The following NAALADL2 variants were observed in gnomAD, a reference collection of about 807,000 sequenced individuals.
NAALADL2 encodes N-acetylated alpha-linked acidic dipeptidase like 2.
In NAALADL2, 76 loss-of-function variants were observed where a neutral mutation model predicts 87.2. The ratio of observed to expected loss-of-function variants is 0.87; its 90% CI spans 0.72 to 1.05. The LOEUF is 1.05. NAALADL2 is among the 50% of genes least tolerant of loss of function. The pLI, the probability that NAALADL2 is intolerant of heterozygous loss-of-function variation, is 0.00. For synonymous variants in NAALADL2, 354 were observed against 331.0 expected (o/e 1.07, Z -0.75); for missense variants, 1,089 against 945.8 (o/e 1.15, Z -1.99).
intron 9 of NAALADL2, among the ~76,000 whole-genome samples, chr3:175,556,335 A>T (rs996360974): frequency 1.8e-4 from 28 of 152,154 alleles, no homozygotes; most frequent in African/African-American, 6.8e-4. Flanking sequence ...GCAATTTTTT[A>T]TCTATCCATA....
At chr3:175,116,577 TAA>T (rs1725212976) in intron 2 of NAALADL2, among the ~76,000 whole-genome samples, 2 of 151,814 alleles carry the variant, frequency 1.3e-5, no homozygotes, top group African/African-American at 4.8e-5. Flanking sequence ...CTCAACAAAA[TAA>T]AAGAGGACAC....
intron 5 of NAALADL2, among the ~76,000 whole-genome samples, chr3:175,361,540 C>T (rs1368532624): frequency 6.7e-6 from 1 of 148,182 alleles, no homozygotes; most frequent in African/African-American, 2.5e-5. Flanking sequence ...TGTTTCCTGA[C>T]TTATTAATGA....
chr3:174,500,466 C>G (rs1425180399), intron 1 of NAALADL2, among the ~76,000 whole-genome samples: 3 of 152,158 alleles, frequency 2.0e-5, no homozygotes, highest in Non-Finnish European at 2.9e-5. Flanking sequence ...ACACAATTCT[C>G]TGGCTAGAAC....
intron 9 of NAALADL2, among the ~76,000 whole-genome samples, chr3:175,557,960 T>C (rs985389170): frequency 7.9e-5 from 12 of 152,168 alleles, no homozygotes; most frequent in South Asian, 2.1e-4. Context: ...TTTGGGAGGC[T>C]GAGGCGGACA....
At position 175,132,635 on chromosome 3, in the gene NAALADL2, C is replaced by T. The variant is rs368052764; in HGVS notation, c.545+35344C>T. Among the ~76,000 whole-genome samples the T allele has an allele frequency of 4.3e-4, 37 of 85,716 alleles. 1 individual carries two copies. The highest frequency in any genetic ancestry group is 3.6e-3 in the South Asian group (8 of 2,204). 56.2% of individuals were successfully genotyped at this position (85,716 alleles called of 152,430 possible). On this transcript the variant is annotated intron_variant, in intron 2 of 13. Coordinates refer to ENST00000454872, the MANE Select transcript of NAALADL2 (RefSeq NM_207015.3). ...CTGACCCCCCCACCTCCCTCCCGGA[C>T]GGGGTGGCTGGCCGGGCGGGGGGCT... is the stretch of plus-strand genomic sequence containing the variant.
intron 1 of NAALADL2, among the ~76,000 whole-genome samples, chr3:174,862,665 A>T (rs1269076767): frequency 6.6e-6 from 1 of 152,058 alleles, no homozygotes; most frequent in Non-Finnish European, 1.5e-5. Flanking sequence ...CTCTTTGTAA[A>T]TAATATGATA....
At chr3:175,359,644 G>C (rs946564200) in intron 5 of NAALADL2, among the ~76,000 whole-genome samples, 9 of 151,892 alleles carry the variant, frequency 5.9e-5, no homozygotes, top group Admixed American at 4.6e-4. Context: ...TTTTATTTAT[G>C]AGTAGTAACA....
At chr3:174,581,472 TAA>T (rs957807457) in intron 2 of NAALADL2, among the ~76,000 whole-genome samples, 1 of 151,794 alleles carries the variant, frequency 6.6e-6, no homozygotes, top group African/African-American at 2.4e-5. Flanking sequence ...TGCCATTTTC[TAA>T]AAAAAAGTGC....
chr3:174,588,688 AGCAAATATTGCAGAATG>A (rs1717007824), intron 2 of NAALADL2, among the ~76,000 whole-genome samples: 1 of 152,208 alleles, frequency 6.6e-6, no homozygotes. Flanking sequence ...GCTGCAGAAC[AGCAAATATTGCAGAATG>A]GCAAATGTTG....
intron 2 of NAALADL2, among the ~76,000 whole-genome samples, chr3:174,571,795 G>T (rs1476426574): frequency 6.6e-6 from 1 of 152,110 alleles, no homozygotes; most frequent in East Asian, 1.9e-4. Flanking sequence ...TAAGGAGCTG[G>T]GTGGGTAGGG....
At chr3:174,744,928 T>G (rs985553975) in intron 3 of NAALADL2, among the ~76,000 whole-genome samples, 3 of 152,106 alleles carry the variant, frequency 2.0e-5, no homozygotes, top group Admixed American at 1.3e-4. Flanking sequence ...TACCAGAATC[T>G]CTGGGACACA....
chr3:175,089,770 A>T (rs571356085), intron 1 of NAALADL2, among the ~76,000 whole-genome samples: 1 of 152,314 alleles, frequency 6.6e-6, no homozygotes, highest in East Asian at 1.9e-4. Context: ...AAATAAGATT[A>T]AAAACAAACC....
chr3:175,071,967 C>T (rs985688257), intron 1 of NAALADL2, among the ~76,000 whole-genome samples: 1 of 151,944 alleles, frequency 6.6e-6, no homozygotes, highest in Non-Finnish European at 1.5e-5. Flanking sequence ...TATATTCTGT[C>T]TTTTCTAGGA....
intron 2 of NAALADL2, among the ~76,000 whole-genome samples, chr3:174,574,749 C>T (rs1159953249): frequency 6.6e-6 from 1 of 152,076 alleles, no homozygotes; most frequent in African/African-American, 2.4e-5. Flanking sequence ...CATTTGGTCT[C>T]TTCTAGAATT....
Position 175,160,739 on chromosome 3 carries a change from A to G in NAALADL2, c.545+63448A>G, listed in dbSNP as rs575275685. 1.9e-4 allele frequency among the ~76,000 whole-genome samples: 29 copies of G among 152,298 alleles called. No individual in the cohort carries two copies. The South Asian group carries it at 5.6e-3, about 29-fold the overall frequency. On this transcript the variant is annotated intron_variant, in intron 2 of 13. Coordinates refer to ENST00000454872, the MANE Select transcript of NAALADL2 (RefSeq NM_207015.3). Reference sequence around the variant, plus strand: ...TCCAAAATATTTGTAACAAAGATAAATAATTATAATCTGGAATAGTCTCTA... The same window carrying G: ...TCCAAAATATTTGTAACAAAGATAAGTAATTATAATCTGGAATAGTCTCTA...
At chr3:175,302,868 GTA>G (rs1560319712) in intron 4 of NAALADL2, among the ~76,000 whole-genome samples, 3 of 149,148 alleles carry the variant, frequency 2.0e-5, no homozygotes, top group African/African-American at 5.0e-5. Flanking sequence ...GTGTGTGTGT[GTA>G]TATTTTTTCA....
chr3:174,612,074 T>C (rs1719960735), intron 2 of NAALADL2, among the ~76,000 whole-genome samples: 1 of 152,186 alleles, frequency 6.6e-6, no homozygotes, highest in Non-Finnish European at 1.5e-5. Context: ...CTATTCCACA[T>C]TAAGAGTTTT....
chr3:175,714,638 C>G (rs2150011213), intron 11 of NAALADL2, among the ~76,000 whole-genome samples: 1 of 152,254 alleles, frequency 6.6e-6, no homozygotes, highest in South Asian at 2.1e-4. Flanking sequence ...AGCCCTTTGT[C>G]AGATGAGTAG....
rs899499717 is a variant in NAALADL2 at position 175,267,021 on chromosome 3, A to G, written c.939+10491A>G. 6.8e-5 allele frequency among the ~76,000 whole-genome samples: 9 copies of G among 132,508 alleles called. No individual in the cohort carries two copies. The East Asian group carries it at 1.9e-3, about 28-fold the overall frequency. 86.9% of individuals were successfully genotyped at this position (132,508 alleles called of 152,430 possible). A position where few individuals can be genotyped will look rare whatever the true frequency, so the allele number is the denominator to read the frequency against. ...AAAAGTTCAAAGCTTTCTTAGCTTT[A>G]GAGTAAAACTAGTAAAAAAAAAAAA... is the stretch of plus-strand genomic sequence containing the variant. On this transcript the variant is annotated intron_variant, in intron 4 of 13. Transcript: ENST00000454872.
Sources: allele counts gnomAD v4.1 joint callset (sites outside exome capture counted in the v4.1 genomes callset), GRCh38; gene constraint gnomAD v4.1.1; transcripts MANE v1.5; gene names NCBI Gene and HGNC (gene_info 2026-07-23, HGNC 2026-07-21).